UST: variants seen among roughly 807,000 people sequenced by gnomAD.
UST encodes the protein chondroitin sulfate 2-O-sulfotransferase.
In UST, 21 loss-of-function variants were observed where a neutral mutation model predicts 45.6. The observed-to-expected ratio is 0.46, with a 90% CI of 0.33 to 0.66. The LOEUF (loss-of-function observed/expected upper bound fraction) is 0.66. Ranked by LOEUF, UST falls within the 30% of genes least tolerant of loss-of-function variation. The probability of loss-of-function intolerance (pLI) is 0.02; values close to 1 mark genes in which losing one functional copy is unlikely to be tolerated. For synonymous variants in UST, 215 were observed against 200.6 expected (o/e 1.07, Z -0.61); for missense variants, 463 against 512.4 (o/e 0.90, Z 0.93).
intron 1 of UST, among the ~76,000 whole-genome samples, chr6:148,760,398 G>T (rs1776191407): frequency 6.6e-6 from 1 of 152,220 alleles, no homozygotes; most frequent in Admixed American, 6.5e-5. Context: ...GGCAGCTCCA[G>T]TGGGTAAGAG....
intron 1 of UST, among the ~76,000 whole-genome samples, chr6:148,870,966 T>G (rs1434852756): frequency 1.3e-5 from 2 of 152,166 alleles, no homozygotes; most frequent in Non-Finnish European, 2.9e-5. Flanking sequence ...AATGGCTGTG[T>G]CCCTCTAAAA....
intron 1 of UST, among the ~76,000 whole-genome samples, chr6:148,816,175 T>A (rs960407776): frequency 2.6e-5 from 4 of 152,222 alleles, no homozygotes; most frequent in African/African-American, 9.6e-5. Context: ...TGAGTTAAAA[T>A]TCTCAGATGT....
intron 1 of UST, among the ~76,000 whole-genome samples, chr6:148,879,367 A>T (rs1311250336): frequency 1.3e-5 from 2 of 152,192 alleles, no homozygotes; most frequent in Non-Finnish European, 2.9e-5. Context: ...AGCCTCGGTA[A>T]AATCTGTTAT....
intron 7 of UST, among the ~76,000 whole-genome samples, chr6:149,051,298 G>A (rs1482220796): frequency 6.6e-6 from 1 of 152,204 alleles, no homozygotes; most frequent in African/African-American, 2.4e-5. Flanking sequence ...ACAGCTTACA[G>A]CCACACACTG....
chr6:148,921,417 A>G lies in UST; in HGVS notation c.292-19862A>G, dbSNP rs192823431. ...CAGCAATCATAACTTGCTTTTTCCT[A>G]AGTGATTTTGTGTGTTGTATAGTAT... On this transcript the variant is annotated intron_variant, in intron 2 of 7. Coordinates refer to ENST00000367463, the MANE Select transcript of UST (RefSeq NM_005715.3). Among the ~76,000 whole-genome samples the G allele has an allele frequency of 8.5e-4, 130 of 152,312 alleles. 1 individual carries two copies. Among genetic ancestry groups the G allele is most frequent in the African/African-American group, 3.0e-3 (126 of 41,578 alleles).
intron 7 of UST, among the ~76,000 whole-genome samples, chr6:149,050,151 A>G (rs1231233630): frequency 6.6e-6 from 1 of 152,200 alleles, no homozygotes; most frequent in Non-Finnish European, 1.5e-5. Context: ...AGGTATTTAA[A>G]ATAATTGAAT....
chr6:148,914,792 G>A (rs1288893038), intron 2 of UST, among the ~76,000 whole-genome samples: 1 of 151,724 alleles, frequency 6.6e-6, no homozygotes, highest in Non-Finnish European at 1.5e-5. Flanking sequence ...CCTGAAATAT[G>A]GTATATAGAA....
chr6:148,931,187 C>T (rs9404007), intron 2 of UST, among the ~76,000 whole-genome samples: 51,507 of 152,156 alleles, frequency 0.34, 8,839 homozygotes, highest in South Asian at 0.45. Context: ...ATTATGAAAC[C>T]TCCAATCAAT....
chr6:148,913,857 T>C (rs6941925), intron 2 of UST, among the ~76,000 whole-genome samples: 62,717 of 152,062 alleles, frequency 0.41, 13,757 homozygotes, highest in African/African-American at 0.56. Flanking sequence ...AATGAAAGTA[T>C]AGGTTACAAA....
rs115456128 is a variant in UST at position 149,018,216 on chromosome 6, G to A, written c.682-923G>A. Among the ~76,000 whole-genome samples the A allele has an allele frequency of 7.6e-3, 1,152 of 152,086 alleles. 14 individuals are homozygous for A. The highest frequency in any genetic ancestry group is 0.026 in the African/African-American group (1,092 of 41,486). ...ATTTGAACTAAAAAAATTGTTACTA[G>A]CTAAACACCCACACCTAAACACCTA... On this transcript the variant is annotated intron_variant, in intron 5 of 7. Transcript: ENST00000367463.
intron 2 of UST, among the ~76,000 whole-genome samples, chr6:148,889,618 A>G (rs777731805): frequency 5.9e-5 from 9 of 152,070 alleles, no homozygotes; most frequent in Non-Finnish European, 8.8e-5. Context: ...GTTTTCCTCA[A>G]TGGCTTTTTG....
At chr6:148,902,053 G>A (rs924920615) in intron 2 of UST, among the ~76,000 whole-genome samples, 3 of 152,014 alleles carry the variant, frequency 2.0e-5, no homozygotes, top group African/African-American at 2.4e-5. Context: ...TTGAGAAAAC[G>A]AATTCCTGAT....
chr6:149,068,559 AAT>A (rs1344733775), intron 7 of UST, among the ~76,000 whole-genome samples: 1 of 152,224 alleles, frequency 6.6e-6, no homozygotes, highest in Non-Finnish European at 1.5e-5. Context: ...TAATCGTGCA[AAT>A]ATGTCCTGGT....
chr6:148,782,538 C>T (rs1424435801), intron 1 of UST, among the ~76,000 whole-genome samples: 2 of 152,074 alleles, frequency 1.3e-5, no homozygotes, highest in African/African-American at 4.8e-5. Flanking sequence ...GCAACCTCCA[C>T]CTCCTGGGTT....
chr6:148,786,786 T>C (rs1437077511), intron 1 of UST, among the ~76,000 whole-genome samples: 2 of 152,252 alleles, frequency 1.3e-5, no homozygotes, highest in African/African-American at 4.8e-5. Flanking sequence ...ATGGTATTTC[T>C]GCCTCTAGGT....
chr6:148,754,040 G>A (rs1211022860), intron 1 of UST, among the ~76,000 whole-genome samples: 1 of 151,092 alleles, frequency 6.6e-6, no homozygotes, highest in Non-Finnish European at 1.5e-5. Context: ...TGTTGCCCAG[G>A]CTGGAGTGCA....
At position 148,747,497 on chromosome 6, in the gene UST, G is replaced by A. The variant is rs1775889391; in HGVS notation, c.67G>A (p.Gly23Ser). The A allele has an allele frequency of 6.6e-7, 1 of 1,521,708 alleles. No homozygotes were observed. The highest frequency in any genetic ancestry group is 8.8e-7 in the Non-Finnish European group (1 of 1,134,424). 94.3% of individuals were successfully genotyped at this position (1,521,708 alleles called of 1,614,324 possible). A position where few individuals can be genotyped will look rare whatever the true frequency, so the allele number is the denominator to read the frequency against. ...DPWPHGAPMG[G>S]APPGLGSWKR... ...CTGGCCCCATGGGGCCCCTATGGGGGGCGCCCCTCCGGGCCTGGGCAGCTG... is the reference window on the plus strand; with the variant it reads ...CTGGCCCCATGGGGCCCCTATGGGGAGCGCCCCTCCGGGCCTGGGCAGCTG... The change falls in exon 1 of 8, where the codon GGC becomes AGC. Residue 23 changes from glycine to serine, a missense_variant. Transcript: ENST00000367463.
intron 2 of UST, among the ~76,000 whole-genome samples, chr6:148,922,840 T>C: frequency 6.6e-6 from 1 of 152,120 alleles, no homozygotes; most frequent in Non-Finnish European, 1.5e-5. Context: ...TCACCCAGGC[T>C]GGAGTGCAGT....
intron 7 of UST, among the ~76,000 whole-genome samples, chr6:149,027,072 C>CTT (rs1213587496): frequency 6.9e-6 from 1 of 145,468 alleles, no homozygotes; most frequent in African/African-American, 2.5e-5. Flanking sequence ...AAATATTATG[C>CTT]TTTTTTTTTT....
Sources: allele counts gnomAD v4.1 joint callset (sites outside exome capture counted in the v4.1 genomes callset), GRCh38; gene constraint gnomAD v4.1.1; transcripts MANE v1.5; gene names NCBI Gene and HGNC (gene_info 2026-07-23, HGNC 2026-07-21).